PPP2R2B: variants seen among roughly 807,000 people sequenced by gnomAD.
PPP2R2B encodes protein phosphatase 2 regulatory subunit Bbeta.
A neutral mutation model predicts 46.0 loss-of-function variants in PPP2R2B; 5 were observed. The observed-to-expected ratio is 0.11, with a 90% CI of 0.06 to 0.23. The LOEUF (loss-of-function observed/expected upper bound fraction) is 0.23. PPP2R2B is among the 10% of genes least tolerant of loss of function. The probability of loss-of-function intolerance (pLI) is 1.00; values close to 1 mark genes in which losing one functional copy is unlikely to be tolerated. For synonymous variants in PPP2R2B, 215 were observed against 206.7 expected, an observed-to-expected ratio of 1.04 and a Z score of -0.34; for missense variants, 367 against 575.0, an observed-to-expected ratio of 0.64 and a Z score of 3.70.
chr5:146,864,797 T>C (rs181214987), intron 2 of PPP2R2B, among the ~76,000 whole-genome samples: 57 of 152,302 alleles, frequency 3.7e-4, no homozygotes, highest in South Asian at 1.2e-3. Flanking sequence ...TTAAGAATTT[T>C]TTCTCTGATC....
rs995251591 is a variant in PPP2R2B, at chr5:146,926,103, G to A, written c.79+129562C>T. The stretch of plus-strand genomic sequence containing the variant: ...TTCTTTGGAAATATTTATAATAGCT[G>A]CCTTGAAATTTTTGTCCACGAATAT... On this transcript the variant is annotated intron_variant, in intron 1 of 8. Transcript: ENST00000336640. Among the ~76,000 whole-genome samples the A allele has an allele frequency of 2.6e-5, 4 of 151,972 alleles. No homozygotes were observed. The East Asian group carries it at 5.8e-4, about 22-fold the overall frequency.
intron 5 of PPP2R2B, among the ~76,000 whole-genome samples, chr5:146,689,056 T>C (rs144557260): frequency 1.6e-3 from 241 of 152,078 alleles, no homozygotes; most frequent in African/African-American, 4.8e-3. Context: ...AAAAGAAAAA[T>C]AACTGAATTG....
chr5:146,622,814 G>A (rs1459643283), intron 7 of PPP2R2B, among the ~76,000 whole-genome samples: 1 of 152,152 alleles, frequency 6.6e-6, no homozygotes, highest in Non-Finnish European at 1.5e-5. Context: ...AAAATATTGT[G>A]ACATTATCTT....
chr5:146,748,915 G>A (rs1444696468), intron 2 of PPP2R2B, among the ~76,000 whole-genome samples: 1 of 152,156 alleles, frequency 6.6e-6, no homozygotes, highest in Non-Finnish European at 1.5e-5. Context: ...ATACCCAGAG[G>A]TGCAATTCTT....
intron 2 of PPP2R2B, among the ~76,000 whole-genome samples, chr5:146,753,023 A>G (rs919103378): frequency 2.0e-5 from 3 of 152,182 alleles, no homozygotes; most frequent in African/African-American, 7.2e-5. Context: ...TATGACTTCA[A>G]ATTTTTCATG....
chr5:146,786,105 A>T (rs1314159751), intron 2 of PPP2R2B, among the ~76,000 whole-genome samples: 1 of 152,200 alleles, frequency 6.6e-6, no homozygotes, highest in African/African-American at 2.4e-5. Flanking sequence ...TGATATGACG[A>T]TTACACATTG....
intron 2 of PPP2R2B, among the ~76,000 whole-genome samples, chr5:146,844,462 C>A (rs914225550): frequency 1.3e-5 from 2 of 152,124 alleles, no homozygotes; most frequent in African/African-American, 4.8e-5. Context: ...TCTTTCTCCA[C>A]CTACACAAAC....
chr5:146,783,091 A>T (rs938956138), intron 2 of PPP2R2B, among the ~76,000 whole-genome samples: 1 of 152,192 alleles, frequency 6.6e-6, no homozygotes, highest in African/African-American at 2.4e-5. Context: ...AAACCATAAA[A>T]TGTCTGAGAA....
chr5:147,073,129 A>T (rs572544056), intron 2 of PPP2R2B, among the ~76,000 whole-genome samples: 192 of 152,340 alleles, frequency 1.3e-3, no homozygotes, highest in South Asian at 8.9e-3. Flanking sequence ...GGCACATACT[A>T]GGTGCTCCAT....
chr5:146,742,077 C>T lies in PPP2R2B; in HGVS notation c.71-40935G>A, dbSNP rs376502531. ...TCTGGAGGAATCAAACCTTCACGTT[C>T]TTACAAAGGAAAATGTTATGTATGT... On this transcript the variant is annotated intron_variant, in intron 2 of 9. Transcript: ENST00000394411. Among the ~76,000 whole-genome samples, 4 of 152,228 alleles carry T rather than the reference C, an allele frequency of 2.6e-5. No individual in the cohort carries two copies. In the East Asian group the frequency reaches 7.7e-4, roughly 29 times the overall value.
At chr5:146,833,806 C>A (rs1446884252) in intron 2 of PPP2R2B, among the ~76,000 whole-genome samples, 1 of 145,406 alleles carries the variant, frequency 6.9e-6, no homozygotes, top group Non-Finnish European at 1.5e-5. Flanking sequence ...AATTACTGAT[C>A]CCCTCATCCC....
chr5:146,763,483 T>TG (rs1461254643), intron 2 of PPP2R2B, among the ~76,000 whole-genome samples: 1 of 152,164 alleles, frequency 6.6e-6, no homozygotes, highest in Admixed American at 6.5e-5. Flanking sequence ...TTAATGCATG[T>TG]GACATACCCA....
chr5:146,686,385 G>A (rs1288701867), intron 5 of PPP2R2B, among the ~76,000 whole-genome samples: 1 of 152,090 alleles, frequency 6.6e-6, no homozygotes, highest in Non-Finnish European at 1.5e-5. Context: ...GGATACCCTA[G>A]GAGGGCCTGA....
intron 2 of PPP2R2B, among the ~76,000 whole-genome samples, chr5:146,806,463 T>C (rs1757184003): frequency 1.3e-5 from 2 of 152,184 alleles, no homozygotes; most frequent in African/African-American, 4.8e-5. Flanking sequence ...AGAATCTTGC[T>C]TGTAATATAA....
At chr5:146,685,353 A>G (rs879886985) in intron 5 of PPP2R2B, among the ~76,000 whole-genome samples, 1 of 152,260 alleles carries the variant, frequency 6.6e-6, no homozygotes, top group Non-Finnish European at 1.5e-5. Context: ...CCTAAGTCAC[A>G]GAATGATGAT....
At chr5:146,884,490 G>C (rs1394647026) in intron 1 of PPP2R2B, among the ~76,000 whole-genome samples, 1 of 152,106 alleles carries the variant, frequency 6.6e-6, no homozygotes, top group Non-Finnish European at 1.5e-5. Context: ...CATTCCTTTT[G>C]ACTATTCAGG....
chr5:146,777,119 C>G (rs1755232597), intron 2 of PPP2R2B, among the ~76,000 whole-genome samples: 1 of 152,056 alleles, frequency 6.6e-6, no homozygotes, highest in Admixed American at 6.5e-5. Flanking sequence ...AATTCCACTC[C>G]TAGGCATGCA....
chr5:146,880,421 G>A (rs368877822), upstream of PPP2R2B, among the ~76,000 whole-genome samples: 157 of 152,218 alleles, frequency 1.0e-3, no homozygotes, highest in African/African-American at 3.4e-3. Flanking sequence ...ATCTATCACC[G>A]AGGTTCCAAC....
intron 6 of PPP2R2B, among the ~76,000 whole-genome samples, chr5:146,646,332 C>G (rs1360884209): frequency 6.6e-6 from 1 of 152,146 alleles, no homozygotes; most frequent in Non-Finnish European, 1.5e-5. Flanking sequence ...TCTAGGTATA[C>G]CATAGTTTTC....
Sources: gnomAD v4.1 joint callset for allele counts (sites outside exome capture counted in the v4.1 genomes callset) on GRCh38, gnomAD v4.1.1 for gene constraint, MANE v1.5 for transcripts, NCBI Gene and HGNC (gene_info 2026-07-23, HGNC 2026-07-21) for gene names.